RPS6KA2: variants seen among roughly 807,000 people sequenced by gnomAD.
RPS6KA2 encodes ribosomal protein S6 kinase alpha-2.
In RPS6KA2, 42 loss-of-function variants were observed where a neutral mutation model predicts 91.8. The ratio of observed to expected loss-of-function variants is 0.46; its 90% CI spans 0.36 to 0.59. RPS6KA2 has a LOEUF of 0.59. Ranked by LOEUF, RPS6KA2 falls within the 20% of genes least tolerant of loss-of-function variation. The pLI is 0.00. For missense variants in RPS6KA2, 798 were observed against 978.5 expected, an observed-to-expected ratio of 0.82 and a Z score of 2.46; for synonymous variants, 414 against 393.6, an observed-to-expected ratio of 1.05 and a Z score of -0.61.
chr6:166,686,106 G>A (rs865784931), intron 2 of RPS6KA2, among the ~76,000 whole-genome samples: 2 of 152,328 alleles, frequency 1.3e-5, no homozygotes, highest in African/African-American at 4.8e-5. Context: ...TTATTTGGCA[G>A]TGACACCAGT....
intron 12 of RPS6KA2, among the ~76,000 whole-genome samples, chr6:166,452,622 CAT>C (rs1179720177): frequency 2.0e-5 from 3 of 152,232 alleles, no homozygotes; most frequent in East Asian, 3.9e-4. Context: ...CTGGTATAAA[CAT>C]AGACACACAG....
At chr6:166,553,235 C>G (rs976794473) in intron 1 of RPS6KA2, among the ~76,000 whole-genome samples, 1 of 152,228 alleles carries the variant, frequency 6.6e-6, no homozygotes, top group Non-Finnish European at 1.5e-5. Context: ...TCCCCCACCA[C>G]AGCCTCCCGA....
rs77889715 is a variant in RPS6KA2, at chr6:166,602,198, C to G, written c.99+24723G>C. On this transcript the variant is annotated intron_variant, in intron 1 of 20. Coordinates refer to ENST00000265678, the MANE Select transcript of RPS6KA2 (RefSeq NM_021135.6). ...ACAGCCGATGGGCTGCGACTCAGTG[C>G]CTGATGTCCTACCAACAGCAAGGAG... Among the ~76,000 whole-genome samples the G allele has an allele frequency of 7.2e-3, 1,092 of 152,326 alleles. 49 individuals are homozygous for G. The South Asian group carries it at 0.11, about 15-fold the overall frequency.
At chr6:166,606,575 A>T (rs1192213247) in intron 1 of RPS6KA2, among the ~76,000 whole-genome samples, 2 of 152,250 alleles carry the variant, frequency 1.3e-5, no homozygotes, top group Admixed American at 6.5e-5. Flanking sequence ...GGGGAAAAGT[A>T]TTTGCAAATA....
At position 166,413,890 on chromosome 6, in the gene RPS6KA2, G is replaced by A. The variant is rs150228674; in HGVS notation, c.1980C>T (p.Arg660=). ...SKMLHVDPHQ[R]LTAMQVLKHP... ...GTTTGAGCACTTGCATCGCCGTCAG[G>A]CGCTGATGAGGGTCCACGTGGAGCA... The change falls in exon 20 of 21, where the codon CGC becomes CGT. Residue 660 remains arginine (R), a synonymous_variant. Coordinates refer to ENST00000265678, the MANE Select transcript of RPS6KA2 (RefSeq NM_021135.6). The A allele has an allele frequency of 1.6e-5, 26 of 1,614,048 alleles. No individual in the cohort carries two copies. The highest frequency in any genetic ancestry group is 2.1e-5 in the Non-Finnish European group (25 of 1,180,014).
At position 166,490,763 on chromosome 6, in the gene RPS6KA2, A is replaced by G; in HGVS notation, c.748-22T>C. The G allele has an allele frequency of 1.9e-6, 3 of 1,596,136 alleles. No homozygotes were observed. Among genetic ancestry groups the G allele is most frequent in the Non-Finnish European group, 2.6e-6 (3 of 1,165,568 alleles). On this transcript the variant is annotated intron_variant, in intron 8 of 20. Transcript: ENST00000265678. The surrounding 1 kb of genome is among the most constrained non-coding windows in gnomAD (Gnocchi z 4.2). ...CAAACTGCAGAGCAACACAGAGCAC[A>G]GTGAGTTCATTCATCCAGATGGACC...
chr6:166,841,396 G>A (rs1207002316), intron 2 of RPS6KA2, among the ~76,000 whole-genome samples: 4 of 152,264 alleles, frequency 2.6e-5, no homozygotes, highest in South Asian at 2.1e-4. Flanking sequence ...GGCAAAGTGC[G>A]TGCTGCACCT....
At position 166,504,559 on chromosome 6, in the gene RPS6KA2, A is replaced by T. The variant is rs1782129983; in HGVS notation, c.513T>A (p.Ala171=). The T allele has an allele frequency of 6.2e-7, 1 of 1,613,950 alleles. No homozygotes were observed. Among genetic ancestry groups the T allele is most frequent in the Non-Finnish European group, 8.5e-7 (1 of 1,179,964 alleles). ...VKFYLAELAL[A]LDHLHSLGII... Reference sequence around the variant, plus strand: ...TCCCCAGGCTGTGGAGATGGTCTAAAGCCAAGGCCAGCTCAGCCAGGTAGA... The same window carrying T: ...TCCCCAGGCTGTGGAGATGGTCTAATGCCAAGGCCAGCTCAGCCAGGTAGA... The change falls in exon 6 of 21, where the codon GCT becomes GCA. Residue 171 remains alanine, a synonymous_variant. Transcript: ENST00000265678.
intron 10 of RPS6KA2, among the ~76,000 whole-genome samples, chr6:166,485,102 C>T (rs150766317): frequency 0.012 from 1,797 of 152,328 alleles, 37 homozygotes; most frequent in African/African-American, 0.04. Context: ...CTGCCACCAC[C>T]CATGGGGCCT....
In RPS6KA2 at chr6:166,856,753, G is replaced by T. The variant is rs112853977; in HGVS notation, c.123+1447C>A. Among the ~76,000 whole-genome samples the T allele has an allele frequency of 5.0e-3, 767 of 152,322 alleles. 3 individuals carry two copies. The highest frequency in any genetic ancestry group is 7.2e-3 in the Non-Finnish European group (488 of 68,022). On this transcript the variant is annotated intron_variant, in intron 2 of 21. Coordinates refer to the RPS6KA2 transcript ENST00000503859. The stretch of plus-strand genomic sequence containing the variant: ...CTGAGACCTTTGGCCTTATGAATTT[G>T]CTGGGAAGGTACATCTTCCTTTCCT...
rs562854363 is a variant in RPS6KA2, at chr6:166,684,523, G to A, written c.124-145739C>T. On this transcript the variant is annotated intron_variant, in intron 2 of 21. Transcript: ENST00000503859. Reference sequence around the variant, plus strand: ...CTTGCTCTTGAATTCTCTCCTGGGTGAAGCCAAGACCCTTTGAAGGCTAAG... The same window carrying A: ...CTTGCTCTTGAATTCTCTCCTGGGTAAAGCCAAGACCCTTTGAAGGCTAAG... Among the ~76,000 whole-genome samples the A allele has an allele frequency of 1.3e-3, 192 of 152,244 alleles. 1 individual carries two copies. The highest frequency in any genetic ancestry group is 1.9e-3 in the Non-Finnish European group (130 of 68,014).
intron 2 of RPS6KA2, among the ~76,000 whole-genome samples, chr6:166,693,229 T>A (rs937185229): frequency 6.6e-6 from 1 of 152,234 alleles, no homozygotes; most frequent in African/African-American, 2.4e-5. Context: ...CTGCAGCGAT[T>A]GGATTTTGCC....
intron 2 of RPS6KA2, among the ~76,000 whole-genome samples, chr6:166,845,341 C>A (rs1174436294): frequency 1.3e-5 from 2 of 152,186 alleles, no homozygotes; most frequent in Non-Finnish European, 2.9e-5. Flanking sequence ...TGGACTTAAA[C>A]TATACCCTAC....
chr6:166,429,489 C>T (rs1278117728), intron 16 of RPS6KA2, among the ~76,000 whole-genome samples: 4 of 152,074 alleles, frequency 2.6e-5, no homozygotes, highest in South Asian at 2.1e-4. Context: ...TTTGCTCTGT[C>T]GCCCACGCTG....
intron 1 of RPS6KA2, chr6:166,542,360 ATG>A (rs1783687515): frequency 6.6e-6 from 1 of 152,252 alleles, no homozygotes. Context: ...GAGGATTTGC[ATG>A]CAATGCCTTA....
rs540245130 is a variant in RPS6KA2, at chr6:166,434,624, T to C, written c.1333-2134A>G. On this transcript the variant is annotated intron_variant, in intron 14 of 20. Coordinates refer to ENST00000265678, the MANE Select transcript of RPS6KA2 (RefSeq NM_021135.6). The surrounding 1 kb of genome is among the most constrained non-coding windows in gnomAD (Gnocchi z 4.4). ...TGCAATTAGAGAAGGTTAAAATACATTTATAAATTTATAAAAGAATTCAGT... is the reference window on the plus strand; with the variant it reads ...TGCAATTAGAGAAGGTTAAAATACACTTATAAATTTATAAAAGAATTCAGT... Among the ~76,000 whole-genome samples, 30 of 152,318 alleles carry C rather than the reference T, an allele frequency of 2.0e-4. No homozygotes were observed. Among genetic ancestry groups the C allele is most frequent in the African/African-American group, 7.0e-4 (29 of 41,568 alleles).
intron 2 of RPS6KA2, among the ~76,000 whole-genome samples, chr6:166,718,092 C>T (rs948963904): frequency 6.6e-6 from 1 of 152,222 alleles, no homozygotes; most frequent in Non-Finnish European, 1.5e-5. Flanking sequence ...TGGTGATCCA[C>T]CCACCTCGGC....
chr6:166,747,789 G>A (rs868842561), intron 2 of RPS6KA2, among the ~76,000 whole-genome samples: 4 of 152,232 alleles, frequency 2.6e-5, no homozygotes, highest in African/African-American at 4.8e-5. Flanking sequence ...ACTCCCATGG[G>A]TACGCCTAGC....
Position 166,500,976 on chromosome 6 carries a change from G to A in RPS6KA2, c.567-52C>T, listed in dbSNP as rs563007418. 141 of 1,563,022 alleles carry A rather than the reference G, an allele frequency of 9.0e-5. No individual in the cohort carries two copies. The highest frequency in any genetic ancestry group is 1.1e-4 in the Non-Finnish European group (129 of 1,136,260). ...GCTTTAGAAAGAGACCCAGCCTGCC[G>A]ACGGGCACGCAGAGCTCAGAGGAGA... On this transcript the variant is annotated intron_variant, in intron 6 of 20. Transcript: ENST00000265678. This position sits in a 1 kb window ranked among gnomAD's most constrained non-coding sequence, Gnocchi z 4.3.
Sources: gnomAD v4.1 joint callset for allele counts (sites outside exome capture counted in the v4.1 genomes callset) on GRCh38, gnomAD v4.1.1 for gene constraint, Gnocchi (gnomAD v3.1) non-coding constraint, MANE v1.5 for transcripts, NCBI Gene and HGNC (gene_info 2026-07-23, HGNC 2026-07-21) for gene names.